CDYL: variants seen among roughly 807,000 people sequenced by gnomAD.
CDYL encodes chromodomain Y-like protein.
A neutral mutation model predicts 47.3 loss-of-function variants in CDYL; 8 were observed. The observed-to-expected ratio is 0.17, with a 90% CI of 0.10 to 0.31. CDYL has a LOEUF of 0.31. CDYL is among the 10% of genes least tolerant of loss of function. The pLI is 1.00. For synonymous variants in CDYL, 266 were observed against 265.0 expected, an observed-to-expected ratio of 1.00 and a Z score of -0.04; for missense variants, 471 against 701.4, an observed-to-expected ratio of 0.67 and a Z score of 3.71.
At chr6:4,821,886 C>G (rs1232822974) in intron 1 of CDYL, among the ~76,000 whole-genome samples, 2 of 152,004 alleles carry the variant, frequency 1.3e-5, no homozygotes, top group Admixed American at 6.6e-5. Context: ...TAATAATTTT[C>G]CAAATTTTAG....
intron 1 of CDYL, among the ~76,000 whole-genome samples, chr6:4,795,879 A>T (rs1759058014): frequency 6.6e-6 from 1 of 151,712 alleles, no homozygotes; most frequent in Non-Finnish European, 1.5e-5. Context: ...TATCCTCTAA[A>T]TGCAGCTTTT....
At chr6:4,741,147 C>T (rs865816074) in intron 3 of CDYL, among the ~76,000 whole-genome samples, 5 of 152,228 alleles carry the variant, frequency 3.3e-5, no homozygotes, top group South Asian at 4.1e-4. Context: ...GAAAATTAAT[C>T]AGGCTTGCAT....
At chr6:4,935,794 CG>C (rs1561718077) in intron 3 of CDYL, 23 bp downstream of exon 3, 2 of 1,611,106 alleles carry the variant, frequency 1.2e-6, no homozygotes, top group Non-Finnish European at 1.7e-6. Flanking sequence ...CTTGGGCTGG[CG>C]TGGGCTTCGC....
chr6:4,731,625 C>G (rs1757606693), intron 2 of CDYL, among the ~76,000 whole-genome samples: 1 of 152,028 alleles, frequency 6.6e-6, no homozygotes, highest in Non-Finnish European at 1.5e-5. Flanking sequence ...ATAGTGAAAC[C>G]CCATCTCTAT....
In CDYL at chr6:4,833,493, G is replaced by C. The variant is rs376322602; in HGVS notation, c.24+56686G>C. ...TTGCTGAGGAGAGCTTTACTTCCAA[G>C]TATGTGGTCAATTTTGGAATAGGTG... On this transcript the variant is annotated intron_variant, in intron 1 of 6. Transcript: ENST00000397588. 6.6e-5 allele frequency among the ~76,000 whole-genome samples: 10 copies of C among 150,590 alleles called. No homozygotes were observed. In the East Asian group the frequency reaches 1.4e-3, roughly 20 times the overall value.
At chr6:4,855,479 ATT>A (rs1013382343) in intron 1 of CDYL, among the ~76,000 whole-genome samples, 5 of 152,116 alleles carry the variant, frequency 3.3e-5, no homozygotes, top group African/African-American at 1.2e-4. Flanking sequence ...TTTTTAACCT[ATT>A]TAAGCCCAGG....
intron 4 of CDYL, among the ~76,000 whole-genome samples, chr6:4,938,233 G>GT (rs11320865): frequency 0.084 from 12,215 of 144,806 alleles, 566 homozygotes; most frequent in South Asian, 0.13. Context: ...TTTTTTTGTT[G>GT]TTTTTTTTTT....
At chr6:4,900,817 A>ATATATC (rs1757021782) in intron 2 of CDYL, among the ~76,000 whole-genome samples, 1 of 84,752 alleles carries the variant, frequency 1.2e-5, no homozygotes, top group Non-Finnish European at 2.6e-5. Context: ...ATATATATAT[A>ATATATC]TATATATATA....
intron 1 of CDYL, among the ~76,000 whole-genome samples, chr6:4,785,606 A>G (rs1347218946): frequency 1.3e-5 from 2 of 152,214 alleles, no homozygotes; most frequent in Non-Finnish European, 2.9e-5. Flanking sequence ...TATTAATAGC[A>G]TGTAACTAAT....
chr6:4,941,578 A>G (rs1017006177), intron 4 of CDYL, among the ~76,000 whole-genome samples: 4 of 152,232 alleles, frequency 2.6e-5, no homozygotes, highest in African/African-American at 9.6e-5. Flanking sequence ...TGAAGTCACC[A>G]TTCCAGGCAA....
chr6:4,943,851 G>A, intron 5 of CDYL, 95 bp downstream of exon 5: 3 of 885,820 alleles, frequency 3.4e-6, no homozygotes, highest in Non-Finnish European at 5.1e-6. Flanking sequence ...GCTGTACAGT[G>A]TGTCATTCTG....
chr6:4,919,799 CTA>C (rs1757659911), intron 2 of CDYL, among the ~76,000 whole-genome samples: 3 of 152,092 alleles, frequency 2.0e-5, no homozygotes, highest in Admixed American at 6.5e-5. Flanking sequence ...ATTTAGGAAA[CTA>C]TTAAATATAG....
At chr6:4,816,681 G>A in intron 1 of CDYL, among the ~76,000 whole-genome samples, 1 of 151,578 alleles carries the variant, frequency 6.6e-6, no homozygotes, top group East Asian at 1.9e-4. Context: ...TAGAGACGGG[G>A]TTTTGCGATG....
At chr6:4,847,070 C>T (rs1345002014) in intron 1 of CDYL, among the ~76,000 whole-genome samples, 6 of 152,212 alleles carry the variant, frequency 3.9e-5, no homozygotes, top group Non-Finnish European at 8.8e-5. Context: ...CAGTTACAGT[C>T]ATGTCTATCT....
chr6:4,715,436 T>G (rs1194011648), intron 1 of CDYL, among the ~76,000 whole-genome samples: 1 of 152,250 alleles, frequency 6.6e-6, no homozygotes, highest in African/African-American at 2.4e-5. Context: ...CTTGGCTTAC[T>G]TACTCTTCCA....
intron 3 of CDYL, among the ~76,000 whole-genome samples, chr6:4,749,386 G>A (rs1362093625): frequency 2.0e-5 from 3 of 151,856 alleles, no homozygotes; most frequent in African/African-American, 7.3e-5. Context: ...ATATGTGATG[G>A]ATAGATGGAT....
intron 1 of CDYL, among the ~76,000 whole-genome samples, chr6:4,868,026 G>A (rs367983273): frequency 3.7e-4 from 56 of 151,938 alleles, no homozygotes; most frequent in East Asian, 2.1e-3. Context: ...TCATTCTAGC[G>A]AAGAGTTTAT....
chr6:4,779,553 T>C (rs1758555277), intron 1 of CDYL, among the ~76,000 whole-genome samples: 2 of 152,024 alleles, frequency 1.3e-5, no homozygotes, highest in South Asian at 4.2e-4. Context: ...GAACAAAAAA[T>C]AAAGGAACAG....
At chr6:4,722,513 G>GT (rs1757390956) in intron 2 of CDYL, among the ~76,000 whole-genome samples, 2 of 152,088 alleles carry the variant, frequency 1.3e-5, no homozygotes, top group Admixed American at 6.5e-5. Flanking sequence ...AAAAGAGTAC[G>GT]TGCCACAGTG....
Sources: gnomAD v4.1 joint callset for allele counts (sites outside exome capture counted in the v4.1 genomes callset) on GRCh38, gnomAD v4.1.1 for gene constraint, MANE v1.5 for transcripts, NCBI Gene and HGNC (gene_info 2026-07-23, HGNC 2026-07-21) for gene names.